Variants in EDF1 observed in about 807,000 individuals in gnomAD.
The protein encoded by EDF1 is endothelial differentiation related factor 1.
A neutral mutation model predicts 20.8 loss-of-function variants in EDF1; 5 were observed. The observed-to-expected ratio is 0.24, with a 90% confidence interval of 0.13 to 0.51. EDF1 has a LOEUF of 0.51. Among genes scored for constraint, EDF1 ranks in the 20% least tolerant of loss-of-function variants. EDF1 has a pLI of 0.97. For synonymous variants in EDF1, 96 were observed against 78.5 expected (o/e 1.22, Z -1.18); for missense variants, 137 against 197.8 (o/e 0.69, Z 1.84).
intron 1 of EDF1, 26 bp downstream of exon 1, chr9:136,866,155 C>T (rs968727258): frequency 1.3e-6 from 2 of 1,582,774 alleles, no homozygotes; most frequent in Non-Finnish European, 8.6e-7. Context: ...CCGCCCGGCC[C>T]GGCCGCTCCT....
In EDF1 at chr9:136,862,260, C is replaced by G. The variant is rs369340261; in HGVS notation, c.*24G>C. ...ACCGGCGGAACGAGATCAGCTGGAG[C>G]GCACTGATTTCGAGGCTTTGTGTTC... On this transcript the variant is annotated 3_prime_UTR_variant, in exon 5 of 5. Coordinates refer to ENST00000224073, the MANE Select transcript of EDF1 (RefSeq NM_003792.4). This position sits in a 1 kb window ranked among gnomAD's most constrained non-coding sequence, Gnocchi z 4.1. The G allele has an allele frequency of 1.2e-6, 2 of 1,613,614 alleles. No homozygotes were observed. The highest frequency in any genetic ancestry group is 1.7e-6 in the Non-Finnish European group (2 of 1,179,760).
At position 136,863,053 on chromosome 9, in the gene EDF1, C is replaced by G; in HGVS notation, c.292-54G>C. 1 of 1,607,802 alleles carries G rather than the reference C, an allele frequency of 6.2e-7. No homozygotes were observed. Among genetic ancestry groups the G allele is most frequent in the Non-Finnish European group, 8.5e-7 (1 of 1,175,924 alleles). On this transcript the variant is annotated intron_variant, in intron 3 of 4. Transcript: ENST00000224073. This position sits in a 1 kb window ranked among gnomAD's most constrained non-coding sequence, Gnocchi z 4.5. ...CAGCTCCACTAGGACTGCTGCAAAA[C>G]CAGGCGCGAAGCGTCGCCTGAGAAC...
chr9:136,862,751 G>C lies in EDF1; in HGVS notation c.385+155C>G, dbSNP rs1282487433. Reference sequence around the variant, plus strand: ...CCTGCAGAGACCCCACCATCCCTCAGTCTGTACTACCTGGAGAAGCAAAGC... The same window carrying C: ...CCTGCAGAGACCCCACCATCCCTCACTCTGTACTACCTGGAGAAGCAAAGC... On this transcript the variant is annotated intron_variant, in intron 4 of 4. Transcript: ENST00000224073. This position sits in a 1 kb window ranked among gnomAD's most constrained non-coding sequence, Gnocchi z 4.1. The C allele has an allele frequency of 3.2e-6, 5 of 1,576,260 alleles. No homozygotes were observed. The highest frequency in any genetic ancestry group is 2.3e-4 in the Middle Eastern group (1 of 4,302).
chr9:136,863,147 C>G lies in EDF1; in HGVS notation c.291+141G>C, dbSNP rs1204965639. 2 of 1,510,536 alleles carry G rather than the reference C, an allele frequency of 1.3e-6. No homozygotes were observed. The highest frequency in any genetic ancestry group is 3.5e-5 in the Admixed American group (2 of 56,552). 93.6% of individuals were successfully genotyped at this position (1,510,536 alleles called of 1,614,324 possible). A position where few individuals can be genotyped will look rare whatever the true frequency, so the allele number is the denominator to read the frequency against. Reference sequence around the variant, plus strand: ...GGTTTTGTGCGAGAGGCAGTGAGAGCCGGGCTGACCTGGCTTCCCGAGGCA... The same window carrying G: ...GGTTTTGTGCGAGAGGCAGTGAGAGGCGGGCTGACCTGGCTTCCCGAGGCA... On this transcript the variant is annotated intron_variant, in intron 3 of 4. Transcript: ENST00000224073. This position sits in a 1 kb window ranked among gnomAD's most constrained non-coding sequence, Gnocchi z 4.5.
At position 136,866,225 on chromosome 9, in the gene EDF1, G is replaced by A; in HGVS notation, c.34C>T (p.Leu12=). Reference sequence around the variant, plus strand: ...GCGGCCGTAGGGCCCTTCTTGCGCAGCACCGTCACCGTGTCCCAGTCGCTC... The same window carrying A: ...GCGGCCGTAGGGCCCTTCTTGCGCAACACCGTCACCGTGTCCCAGTCGCTC... The part of the protein sequence containing the change: ...AESDWDTVTV[L]RKKGPTAAQA... Residue 12 remains leucine (L), a synonymous_variant, in exon 1 of 5, where the codon CTG becomes TTG. Coordinates refer to ENST00000224073, the MANE Select transcript of EDF1 (RefSeq NM_003792.4). 1 of 1,601,700 alleles carries A rather than the reference G, an allele frequency of 6.2e-7. No homozygotes were observed. The highest frequency in any genetic ancestry group is 8.5e-7 in the Non-Finnish European group (1 of 1,176,002).
At position 136,863,415 on chromosome 9, in the gene EDF1, G is replaced by C. The variant is rs757705936; in HGVS notation, c.164C>G (p.Thr55Ser). 1.4e-5 allele frequency: 22 copies of C among 1,614,146 alleles called. No individual in the cohort carries two copies. In the South Asian group the frequency reaches 2.4e-4, roughly 18 times the overall value. The change falls in exon 3 of 5, where the codon ACC (threonine) becomes AGC (serine). Residue 55 changes from threonine (T) to serine (S), a missense_variant. By Grantham distance (58) the Thr-to-Ser change is moderately conservative. Transcript: ENST00000224073. The surrounding 1 kb of genome is among the most constrained non-coding windows in gnomAD (Gnocchi z 4.5). ...AAGQNKQHSI[T>S]KNTAKLDRET... is the part of the protein sequence containing the mutation. ...CCGGTCCAGCTTGGCCGTGTTCTTG[G>C]TAATAGAATGTTGTTTGTTCTGGCC...
In EDF1 at chr9:136,863,420, A is replaced by C. The variant is rs1190891683; in HGVS notation, c.159T>G (p.Ser53=). Residue 53 remains serine (S), a synonymous_variant, in exon 3 of 5, where the codon TCT becomes TCG. Coordinates refer to ENST00000224073, the MANE Select transcript of EDF1 (RefSeq NM_003792.4). The surrounding 1 kb of genome is among the most constrained non-coding windows in gnomAD (Gnocchi z 4.5). ...KWAAGQNKQH[S]ITKNTAKLDR... Reference sequence around the variant, plus strand: ...CCAGCTTGGCCGTGTTCTTGGTAATAGAATGTTGTTTGTTCTGGCCAGCAG... The same window carrying C: ...CCAGCTTGGCCGTGTTCTTGGTAATCGAATGTTGTTTGTTCTGGCCAGCAG... The C allele has an allele frequency of 6.2e-7, 1 of 1,614,088 alleles. No homozygotes were observed. The highest frequency in any genetic ancestry group is 8.5e-7 in the Non-Finnish European group (1 of 1,179,968).
Position 136,863,748 on chromosome 9 carries a change from A to G in EDF1, c.130+72T>C, listed in dbSNP as rs2131247950. ...CTGACAACGTCCCCGGGGGCGCCGC[A>G]CACACCACACCCACCAGCACATGGA... is the stretch of plus-strand genomic sequence containing the variant. On this transcript the variant is annotated intron_variant, in intron 2 of 4. Transcript: ENST00000224073. The surrounding 1 kb of genome is among the most constrained non-coding windows in gnomAD (Gnocchi z 4.5). 2 of 1,578,520 alleles carry G rather than the reference A, an allele frequency of 1.3e-6. No homozygotes were observed.
chr9:136,863,587 C>T lies in EDF1; in HGVS notation c.131-139G>A, dbSNP rs1849154768. The T allele has an allele frequency of 1.7e-6, 2 of 1,192,346 alleles. No homozygotes were observed. The highest frequency in any genetic ancestry group is 2.6e-5 in the Admixed American group (1 of 39,060). The allele number at this position is 1,192,346 out of a possible 1,614,324, so 73.9% of individuals were successfully genotyped here. On this transcript the variant is annotated intron_variant, in intron 2 of 4. Coordinates refer to ENST00000224073, the MANE Select transcript of EDF1 (RefSeq NM_003792.4). The surrounding 1 kb of genome is among the most constrained non-coding windows in gnomAD (Gnocchi z 4.5). ...GAACCCAGGCTGTCCCAAGTTCACA[C>T]ACCTCAGGTCGTGGACTTCCAGAGT...
chr9:136,862,234 A>G lies in EDF1; in HGVS notation c.*50T>C. ...GAGAACGGAACTGGCGGCCAAGGGG[A>G]ACCGGCGGAACGAGATCAGCTGGAG... On this transcript the variant is annotated 3_prime_UTR_variant, in exon 5 of 5. Coordinates refer to ENST00000224073, the MANE Select transcript of EDF1 (RefSeq NM_003792.4). This position sits in a 1 kb window ranked among gnomAD's most constrained non-coding sequence, Gnocchi z 4.1. 6.2e-7 allele frequency: 1 copy of G among 1,611,172 alleles called. No individual in the cohort carries two copies. Among genetic ancestry groups the G allele is most frequent in the Non-Finnish European group, 8.5e-7 (1 of 1,177,616 alleles).
rs1222396407 is a variant in EDF1 at position 136,863,245 on chromosome 9, C to T, written c.291+43G>A. 7.5e-6 allele frequency: 12 copies of T among 1,592,384 alleles called. No homozygotes were observed. The highest frequency in any genetic ancestry group is 1.1e-5 in the South Asian group (1 of 90,108). Reference sequence around the variant, plus strand: ...TCTGAACACCGGCCATCCCCCTCCCCAAACCCACAACCCCAGGAGTGAGAG... The same window carrying T: ...TCTGAACACCGGCCATCCCCCTCCCTAAACCCACAACCCCAGGAGTGAGAG... On this transcript the variant is annotated intron_variant, in intron 3 of 4. Coordinates refer to ENST00000224073, the MANE Select transcript of EDF1 (RefSeq NM_003792.4). The surrounding 1 kb of genome is among the most constrained non-coding windows in gnomAD (Gnocchi z 4.5).
Position 136,862,206 on chromosome 9 carries a change from G to A in EDF1, c.*78C>T. On this transcript the variant is annotated 3_prime_UTR_variant, in exon 5 of 5. Coordinates refer to ENST00000224073, the MANE Select transcript of EDF1 (RefSeq NM_003792.4). The surrounding 1 kb of genome is among the most constrained non-coding windows in gnomAD (Gnocchi z 4.1). ...GGACCCCTTGTTCCGTTCGGCCCGT[G>A]AGGAGAACGGAACTGGCGGCCAAGG... is the stretch of plus-strand genomic sequence containing the variant. The A allele has an allele frequency of 1.3e-6, 2 of 1,584,246 alleles. No homozygotes were observed. The highest frequency in any genetic ancestry group is 1.3e-5 in the African/African-American group (1 of 74,440).
intron 1 of EDF1, among the ~76,000 whole-genome samples, chr9:136,864,681 T>A (rs1322376455): frequency 6.6e-6 from 1 of 152,142 alleles, no homozygotes; most frequent in African/African-American, 2.4e-5. Context: ...TGGAATGCAG[T>A]GACACGATCT....
At chr9:136,864,585 C>T (rs1849177338) in intron 1 of EDF1, among the ~76,000 whole-genome samples, 1 of 151,940 alleles carries the variant, frequency 6.6e-6, no homozygotes, top group South Asian at 2.1e-4. Flanking sequence ...ACAGTGATGC[C>T]ATCTCATCTA....
In EDF1 at chr9:136,863,300, C is replaced by T. The variant is rs150616813; in HGVS notation, c.279G>A (p.Lys93=). The change falls in exon 3 of 5, where the codon AAG becomes AAA. Residue 93 remains lysine, a synonymous_variant. Transcript: ENST00000224073. The surrounding 1 kb of genome is among the most constrained non-coding windows in gnomAD (Gnocchi z 4.5). ...QGRQSKGLTQ[K]DLATKINEKP... ...GGCGCAGCCTCACCGTGGCCAGGTCCTTCTGCGTAAGCCCCTTGCTCTGCC... is the reference window on the plus strand; with the variant it reads ...GGCGCAGCCTCACCGTGGCCAGGTCTTTCTGCGTAAGCCCCTTGCTCTGCC... 6.8e-5 allele frequency: 109 copies of T among 1,613,210 alleles called. No homozygotes were observed. In the African/African-American group the frequency reaches 1.2e-3, roughly 18 times the overall value.
Position 136,863,490 on chromosome 9 carries a change from A to G in EDF1, c.131-42T>C. On this transcript the variant is annotated intron_variant, in intron 2 of 4. Transcript: ENST00000224073. This position sits in a 1 kb window ranked among gnomAD's most constrained non-coding sequence, Gnocchi z 4.5. ...GCAAAAGCAGAGGAGAGGATTTGGAATTAACCTGAAGAAAAACCATTTCAA... is the reference window on the plus strand; with the variant it reads ...GCAAAAGCAGAGGAGAGGATTTGGAGTTAACCTGAAGAAAAACCATTTCAA... The G allele has an allele frequency of 1.9e-6, 3 of 1,591,844 alleles. No homozygotes were observed. The highest frequency in any genetic ancestry group is 8.6e-7 in the Non-Finnish European group (1 of 1,165,506).
Position 136,864,519 on chromosome 9 carries a change from C to A in EDF1, c.79-648G>T, listed in dbSNP as rs148008658. On this transcript the variant is annotated intron_variant, in intron 1 of 4. Transcript: ENST00000224073. The stretch of plus-strand genomic sequence containing the variant: ...CCTCCCTGAATCTGGTTCCTAGTAA[C>A]ACAGAGATGACACATCTCATGGAAG... 5.5e-4 allele frequency among the ~76,000 whole-genome samples: 84 copies of A among 152,266 alleles called. No individual in the cohort carries two copies. The East Asian group carries it at 0.016, about 29-fold the overall frequency.
intron 1 of EDF1, among the ~76,000 whole-genome samples, chr9:136,865,972 C>T (rs1849215465): frequency 6.7e-6 from 1 of 149,436 alleles, no homozygotes; most frequent in African/African-American, 2.5e-5. Context: ...CCCACCTTCC[C>T]ACCCCTGTCC....
chr9:136,864,238 C>T (rs905090378), intron 1 of EDF1, among the ~76,000 whole-genome samples: 19 of 151,978 alleles, frequency 1.3e-4, no homozygotes, highest in Non-Finnish European at 2.6e-4. Context: ...AAGAGAACAC[C>T]ACTTCCTTTG....
Sources: gnomAD v4.1 joint callset for allele counts (sites outside exome capture counted in the v4.1 genomes callset) on GRCh38, gnomAD v4.1.1 for gene constraint, Gnocchi (gnomAD v3.1) non-coding constraint, MANE v1.5 for transcripts, NCBI Gene and HGNC (gene_info 2026-07-23, HGNC 2026-07-21) for gene names.